The following AP4M1 variants were observed in gnomAD, a reference collection of about 807,000 sequenced individuals.
AP4M1 encodes adaptor related protein complex 4 subunit mu 1.
In AP4M1, 58 loss-of-function variants were observed where a neutral mutation model predicts 62.4. The ratio of observed to expected loss-of-function variants is 0.93; its 90% CI spans 0.75 to 1.16. The LOEUF (loss-of-function observed/expected upper bound fraction) is 1.16, where lower values mean the gene tolerates loss of function less well. Among genes scored for constraint, AP4M1 ranks in the 50% most tolerant of loss-of-function variants. AP4M1 has a pLI of 0.00. For synonymous variants in AP4M1, 290 were observed against 239.7 expected (o/e 1.21, Z -1.94); for missense variants, 626 against 585.4 (o/e 1.07, Z -0.72).
rs1245236696 is a variant in AP4M1 at position 100,103,644 on chromosome 7, C to T, written c.495C>T (p.Ala165=). The change falls in exon 6 of 15, where the codon GCC becomes GCT. Residue 165 remains alanine, a synonymous_variant. Coordinates refer to ENST00000359593, the MANE Select transcript of AP4M1 (RefSeq NM_004722.4). ...FGAETQQSKV[A]PSSAASRPVL... ...CTGAGACACAACAGAGCAAAGTGGC[C>T]CCCAGCAGTGCAGCCAGCCGCCCCG... is the stretch of plus-strand genomic sequence containing the variant. The T allele has an allele frequency of 1.2e-6, 2 of 1,613,672 alleles. No homozygotes were observed. The highest frequency in any genetic ancestry group is 1.7e-6 in the Non-Finnish European group (2 of 1,180,006).
chr7:100,107,668 GC>G lies in AP4M1; in HGVS notation c.*792del, dbSNP rs752264011. 4.4e-6 allele frequency: 7 copies of G among 1,595,334 alleles called. No homozygotes were observed. The highest frequency in any genetic ancestry group is 5.1e-6 in the Non-Finnish European group (6 of 1,172,582). ...AGGCCGCTTGCCCTGTGCCCTCCCT[GC>G]CCCCCAGAGGCCTGGCGAGGACGCT... On this transcript the variant is annotated 3_prime_UTR_variant, in exon 15 of 15. Coordinates refer to ENST00000359593, the MANE Select transcript of AP4M1 (RefSeq NM_004722.4).
chr7:100,106,738 T>A lies in AP4M1; in HGVS notation c.1218T>A (p.Ser406Arg). The change falls in exon 15 of 15, where the codon AGT (serine) becomes AGA (arginine). Residue 406 changes from serine (S) to arginine (R), a missense_variant. Ser to Arg is a moderately radical substitution (Grantham distance 110, BLOSUM62 -1). Transcript: ENST00000359593. The part of the protein sequence containing the change: ...SASPLGLGPA[S>R]LSFELPRHTC... ...CTCCTCTGGGGCTGGGCCCTGCCAG[T>A]CTCTCCTTCGAGCTTCCCCGGCACA... 1 of 1,613,964 alleles carries A rather than the reference T, an allele frequency of 6.2e-7. No homozygotes were observed. The highest frequency in any genetic ancestry group is 8.5e-7 in the Non-Finnish European group (1 of 1,180,028).
chr7:100,100,962 G>A (rs1301405657), upstream of AP4M1: 61 of 1,023,474 alleles, frequency 6.0e-5, no homozygotes, highest in Non-Finnish European at 5.3e-6. Flanking sequence ...ACTCTCCTGA[G>A]GTCCTGGGCG....
In AP4M1 at chr7:100,102,902, G is replaced by A. The variant is rs532231707; in HGVS notation, c.293G>A (p.Gly98Asp). The change falls in exon 4 of 15, where the codon GGC becomes GAC. Residue 98 changes from glycine to aspartate, a missense_variant. Gly to Asp is a moderately conservative substitution (Grantham distance 94). Coordinates refer to ENST00000359593, the MANE Select transcript of AP4M1 (RefSeq NM_004722.4). The part of the protein sequence containing the change: ...TLLGDYCGSL[G>D]EGTISRNVAL... ...CTGGGCGATTACTGTGGCTCCCTGG[G>A]CGAGGGGACCATCTCCCGCAATGTG... 2.5e-6 allele frequency: 4 copies of A among 1,614,036 alleles called. No individual in the cohort carries two copies. The highest frequency in any genetic ancestry group is 1.1e-5 in the South Asian group (1 of 91,078).
intron 2 of AP4M1, 100 bp from the exon 3 acceptor site, chr7:100,102,575 G>T: frequency 1.0e-6 from 1 of 995,230 alleles, no homozygotes; most frequent in South Asian, 1.3e-5. Context: ...CTGCTGTTGT[G>T]ACTAGTAAGA....
Position 100,102,731 on chromosome 7 carries a change from C to T in AP4M1, c.204C>T (p.Val68=). 1 of 1,614,154 alleles carries T rather than the reference C, an allele frequency of 6.2e-7. No homozygotes were observed. The highest frequency in any genetic ancestry group is 8.5e-7 in the Non-Finnish European group (1 of 1,180,032). The part of the protein sequence containing the change: ...HIRHSGLYLV[V]TTSENVSPFS... ...GACACAGCGGCCTCTATTTGGTGGT[C>T]ACAACTTCAGAAAACGTTTCTCCCT... The change falls in exon 3 of 15, where the codon GTC becomes GTT. Residue 68 remains valine, a synonymous_variant. Transcript: ENST00000359593.
At chr7:100,101,572 C>G (rs978855591), upstream of AP4M1, 134 of 928,272 alleles carry the variant, frequency 1.4e-4, no homozygotes, top group Non-Finnish European at 2.1e-4. Context: ...AGTGCAGGCG[C>G]CGGGTTTCCC....
upstream of AP4M1, chr7:100,101,272 A>G (rs1274684675): frequency 1.2e-6 from 2 of 1,613,064 alleles, no homozygotes; most frequent in Non-Finnish European, 1.7e-6. Context: ...ACCCTTCTCT[A>G]GCGCGTAGTC....
chr7:100,105,182 C>T, intron 9 of AP4M1, 58 bp from the exon 10 acceptor site: 1 of 1,612,268 alleles, frequency 6.2e-7, no homozygotes, highest in Non-Finnish European at 8.5e-7. Flanking sequence ...CCTCCCCTCT[C>T]CTTGCTCCTC....
At chr7:100,105,591 T>C in intron 11 of AP4M1, 52 bp downstream of exon 11, 1 of 1,529,798 alleles carries the variant, frequency 6.5e-7, no homozygotes, top group Non-Finnish European at 9.0e-7. Flanking sequence ...AGCCAAGACC[T>C]GTATGTTCCC....
chr7:100,106,969 G>A lies in AP4M1; in HGVS notation c.*87G>A. 2.7e-6 allele frequency: 4 copies of A among 1,454,738 alleles called. No homozygotes were observed. In the Admixed American group the frequency reaches 7.8e-5, roughly 28 times the overall value. 90.1% of individuals were successfully genotyped at this position (1,454,738 alleles called of 1,614,324 possible). ...TTCTTTTCCAGCCTCCTGGCCTTCG[G>A]ACTCTGAATCTGGGCAGGAAGAGTC... On this transcript the variant is annotated 3_prime_UTR_variant, in exon 15 of 15. Coordinates refer to ENST00000359593, the MANE Select transcript of AP4M1 (RefSeq NM_004722.4).
Position 100,104,124 on chromosome 7 carries a change from C to G in AP4M1, c.576C>G (p.Val192=), listed in dbSNP as rs776742429. 1.2e-6 allele frequency: 2 copies of G among 1,613,960 alleles called. No homozygotes were observed. The highest frequency in any genetic ancestry group is 1.7e-5 in the Admixed American group (1 of 60,004). ...SQKNEVFLDV[V]ERLSVLIASN... ...AGAATGAAGTTTTTTTGGATGTGGT[C>G]GAGAGATTGTCTGTACTGATAGCAT... is the stretch of plus-strand genomic sequence containing the variant. The change falls in exon 7 of 15, where the codon GTC becomes GTG. Residue 192 remains valine, a synonymous_variant. Coordinates refer to ENST00000359593, the MANE Select transcript of AP4M1 (RefSeq NM_004722.4).
At chr7:100,101,819 G>GGGGGGCCCCCGC in intron 1 of AP4M1, 47 bp downstream of exon 1, 1 of 1,558,524 alleles carries the variant, frequency 6.4e-7, no homozygotes, top group African/African-American at 1.4e-5. Context: ...GGCCGGGCGG[G>GGGGGGCCCCCGC]AGGGGCGCCC....
At chr7:100,101,179 TC>T, upstream of AP4M1, 1 of 1,552,554 alleles carries the variant, frequency 6.4e-7, no homozygotes, top group Non-Finnish European at 8.8e-7. Context: ...CCGACCCCGG[TC>T]CCCCAAGACC....
At chr7:100,101,527 G>C, upstream of AP4M1, 1 of 789,912 alleles carries the variant, frequency 1.3e-6, no homozygotes, top group Non-Finnish European at 2.1e-6. Flanking sequence ...ACGGGGAGGC[G>C]GTGCGGGCGT....
At position 100,108,459 on chromosome 7, in the gene AP4M1, C is replaced by T; in HGVS notation, c.*1577C>T. ...ACCACCTGGGAGCAGAGGAGGGGCC[C>T]AAGGGACCCGAATTCTGCCCGATAG... is the stretch of plus-strand genomic sequence containing the variant. On this transcript the variant is annotated 3_prime_UTR_variant, in exon 15 of 15. Transcript: ENST00000359593. The T allele has an allele frequency of 6.2e-7, 1 of 1,614,000 alleles. No individual in the cohort carries two copies. Among genetic ancestry groups the T allele is most frequent in the Non-Finnish European group, 8.5e-7 (1 of 1,179,928 alleles).
At position 100,102,798 on chromosome 7, in the gene AP4M1, T is replaced by C. The variant is rs1362588151; in HGVS notation, c.254+17T>C. 3.1e-6 allele frequency: 5 copies of C among 1,613,460 alleles called. No homozygotes were observed. Among genetic ancestry groups the C allele is most frequent in the Non-Finnish European group, 4.2e-6 (5 of 1,179,464 alleles). ...GCTCTCCAGGTGAGGAGGGTTGGGC[T>C]GGGCACCTGGTAGCTAGGAGGGGTC... On this transcript the variant is annotated intron_variant, in intron 3 of 14. Transcript: ENST00000359593.
rs985019137 is a variant in AP4M1, at chr7:100,108,136, G to A, written c.*1254G>A. On this transcript the variant is annotated 3_prime_UTR_variant, in exon 15 of 15. Coordinates refer to ENST00000359593, the MANE Select transcript of AP4M1 (RefSeq NM_004722.4). ...GCGTGGGCCGGGGCTGCGGGGAGAA[G>A]AGGAAAGGGGGAAGTGGCACCATCT... The A allele has an allele frequency of 1.3e-6, 2 of 1,583,980 alleles. No homozygotes were observed. The highest frequency in any genetic ancestry group is 1.9e-5 in the Admixed American group (1 of 53,804).
At position 100,103,532 on chromosome 7, in the gene AP4M1, A is replaced by C; in HGVS notation, c.462+13A>C. On this transcript the variant is annotated intron_variant, in intron 5 of 14. Transcript: ENST00000359593. Reference sequence around the variant, plus strand: ...CAGCGTTGGCTTGGTCAGTAGAGGGAAAGAGGAGGGTGAGGAAAGAGAAGA... The same window carrying C: ...CAGCGTTGGCTTGGTCAGTAGAGGGCAAGAGGAGGGTGAGGAAAGAGAAGA... 1.2e-6 allele frequency: 2 copies of C among 1,613,980 alleles called. No homozygotes were observed. Among genetic ancestry groups the C allele is most frequent in the Non-Finnish European group, 1.7e-6 (2 of 1,179,854 alleles).
Sources: gnomAD v4.1 joint callset for allele counts on GRCh38, gnomAD v4.1.1 for gene constraint, MANE v1.5 for transcripts, NCBI Gene and HGNC (gene_info 2026-07-23, HGNC 2026-07-21) for gene names.